Variants in LMLN observed in about 807,000 individuals in gnomAD.
LMLN encodes leishmanolysin-like peptidase.
LMLN carries 70 observed loss-of-function variants against 92.3 expected under a neutral mutation model. The observed-to-expected ratio is 0.76, with a 90% confidence interval of 0.63 to 0.92. The LOEUF is 0.92. LMLN is among the 40% of genes least tolerant of loss of function. The pLI, the probability that LMLN is intolerant of heterozygous loss-of-function variation, is 0.00. For missense variants in LMLN, 691 were observed against 814.6 expected (o/e 0.85, Z 1.85); for synonymous variants, 308 against 296.2 (o/e 1.04, Z -0.41).
At chr3:198,026,987 C>T (rs540868684) in intron 14 of LMLN, among the ~76,000 whole-genome samples, 55 of 151,592 alleles carry the variant, frequency 3.6e-4, no homozygotes, top group African/African-American at 1.2e-3. Context: ...CCTGTGAGTG[C>T]GTGTGTGTGT....
chr3:197,971,506 G>C (rs546517863), intron 1 of LMLN, among the ~76,000 whole-genome samples: 33 of 152,324 alleles, frequency 2.2e-4, no homozygotes, highest in African/African-American at 7.9e-4. Flanking sequence ...CATATAAAAT[G>C]TGTTGTTTTT....
intron 8 of LMLN, among the ~76,000 whole-genome samples, chr3:197,988,751 G>A (rs368617347): frequency 2.2e-4 from 33 of 151,978 alleles, no homozygotes; most frequent in African/African-American, 6.0e-4. Flanking sequence ...GCGCGATCTC[G>A]GCTCACTGCA....
chr3:198,036,021 C>A (rs890091628), exon 15 of LMLN: 1 of 1,613,624 alleles, frequency 6.2e-7, no homozygotes, highest in Admixed American at 1.7e-5. Flanking sequence ...CAGCCACTAA[C>A]CTGACCCGAG....
At chr3:198,013,440 C>T (rs1357862169) in intron 11 of LMLN, among the ~76,000 whole-genome samples, 2 of 132,350 alleles carry the variant, frequency 1.5e-5, no homozygotes, top group South Asian at 2.4e-4. Flanking sequence ...TTCAGAGCCC[C>T]CTAACTAGTC....
chr3:197,986,684 A>G (rs1721716143), intron 8 of LMLN, among the ~76,000 whole-genome samples: 1 of 152,232 alleles, frequency 6.6e-6, no homozygotes, highest in Admixed American at 6.5e-5. Context: ...ATGGAAAAAC[A>G]GGAATTAAAA....
chr3:197,980,923 T>C (rs902973333), intron 6 of LMLN, among the ~76,000 whole-genome samples: 2 of 150,706 alleles, frequency 1.3e-5, no homozygotes, highest in African/African-American at 4.9e-5. Context: ...TTGGGCAACA[T>C]AGTGAGAACT....
chr3:198,012,019 AAATTTAC>A (rs1722457340), intron 11 of LMLN, among the ~76,000 whole-genome samples: 1 of 152,356 alleles, frequency 6.6e-6, no homozygotes, highest in East Asian at 1.9e-4. Flanking sequence ...GAACTCAAAC[AAATTTAC>A]AAGAAAAAAA....
chr3:197,978,151 C>T (rs188317132), intron 5 of LMLN, among the ~76,000 whole-genome samples: 1,610 of 151,774 alleles, frequency 0.011, 11 homozygotes, highest in Middle Eastern at 0.024. Flanking sequence ...AGTATACACA[C>T]GTTAAATCTG....
In LMLN at chr3:197,997,016, C is replaced by CTTTCTTTTCT. The variant is rs781458174; in HGVS notation, c.1155+752_1155+761dup. Among the ~76,000 whole-genome samples, 108 of 149,434 alleles carry CTTTCTTTTCT rather than the reference C, an allele frequency of 7.2e-4. 1 individual carries two copies. Among genetic ancestry groups the CTTTCTTTTCT allele is most frequent in the Middle Eastern group, 3.4e-3 (1 of 292 alleles). ...GTTTTTTTTCTTTTCTTTTCTTTTC[C>CTTTCTTTTCT]TTTCTTTTCTTTTCTTTTCTTTTCT... On this transcript the variant is annotated intron_variant, in intron 10 of 15. Transcript: ENST00000330198.
At chr3:198,026,629 A>T (rs1339702997) in intron 14 of LMLN, among the ~76,000 whole-genome samples, 2 of 152,190 alleles carry the variant, frequency 1.3e-5, no homozygotes, top group Non-Finnish European at 2.9e-5. Flanking sequence ...TTTCTGTAAC[A>T]AGATATTCTA....
At chr3:197,983,141 TA>T (rs1721605174) in intron 6 of LMLN, among the ~76,000 whole-genome samples, 1 of 152,228 alleles carries the variant, frequency 6.6e-6, no homozygotes, top group Non-Finnish European at 1.5e-5. Flanking sequence ...ATGAAGAAAA[TA>T]TAAAGTATTT....
chr3:198,035,020 C>T (rs550127763), intron 14 of LMLN, among the ~76,000 whole-genome samples: 5 of 152,080 alleles, frequency 3.3e-5, no homozygotes, highest in Admixed American at 3.3e-4. Flanking sequence ...CATGACAAAA[C>T]CCAAACCCCA....
At chr3:197,963,753 A>T (rs1227017845) in intron 1 of LMLN, among the ~76,000 whole-genome samples, 5 of 152,182 alleles carry the variant, frequency 3.3e-5, no homozygotes, top group Admixed American at 6.5e-5. Flanking sequence ...TTGTTGTTGT[A>T]GTTTTGTATC....
intron 1 of LMLN, among the ~76,000 whole-genome samples, chr3:197,962,766 C>T (rs1410252328): frequency 6.7e-6 from 1 of 148,446 alleles, no homozygotes; most frequent in Non-Finnish European, 1.5e-5. Flanking sequence ...GGATCAATAT[C>T]CTTTTTTTTT....
chr3:197,976,356 A>G, intron 4 of LMLN: 1 of 475,484 alleles, frequency 2.1e-6, no homozygotes, highest in Admixed American at 3.9e-5. Flanking sequence ...TGTTCTCCAG[A>G]TCACCTTTTT....
intron 15 of LMLN, among the ~76,000 whole-genome samples, chr3:198,037,018 G>C (rs141216366): frequency 1.3e-5 from 2 of 152,270 alleles, no homozygotes; most frequent in Non-Finnish European, 2.9e-5. Flanking sequence ...TCCAAATCCT[G>C]AGGACCTCAT....
intron 12 of LMLN, among the ~76,000 whole-genome samples, chr3:198,020,057 C>T (rs974669885): frequency 3.3e-5 from 5 of 152,078 alleles, no homozygotes; most frequent in Admixed American, 2.0e-4. Context: ...GTTGGGGTTT[C>T]GCCATGTTGC....
At chr3:198,003,627 C>T (rs1178818249) in intron 11 of LMLN, among the ~76,000 whole-genome samples, 3 of 103,128 alleles carry the variant, frequency 2.9e-5, no homozygotes, top group Non-Finnish European at 5.4e-5. Flanking sequence ...GTAAGTTTGA[C>T]ATTATCTATA....
chr3:197,964,986 G>A (rs147859173), intron 1 of LMLN, among the ~76,000 whole-genome samples: 1,881 of 147,150 alleles, frequency 0.013, 30 homozygotes, highest in African/African-American at 0.045. Context: ...CAGCCTGGGC[G>A]ACAAGAGCGA....
Sources: allele counts gnomAD v4.1 joint callset (sites outside exome capture counted in the v4.1 genomes callset), GRCh38; gene constraint gnomAD v4.1.1; transcripts MANE v1.5; gene names NCBI Gene and HGNC (gene_info 2026-07-23, HGNC 2026-07-21).